GPHN: variants seen among roughly 807,000 people sequenced by gnomAD.
GPHN encodes the protein gephyrin.
In GPHN, 17 loss-of-function variants were observed where a neutral mutation model predicts 95.5. The ratio of observed to expected loss-of-function variants is 0.18; its 90% CI spans 0.12 to 0.27. The LOEUF (loss-of-function observed/expected upper bound fraction) is 0.27, where lower values mean the gene tolerates loss of function less well. GPHN is among the 10% of genes least tolerant of loss of function. The pLI, the probability that GPHN is intolerant of heterozygous loss-of-function variation, is 1.00. For missense variants in GPHN, 660 were observed against 978.1 expected, an observed-to-expected ratio of 0.67 and a Z score of 4.34; for synonymous variants, 320 against 322.5, an observed-to-expected ratio of 0.99 and a Z score of 0.08.
intron 2 of GPHN, among the ~76,000 whole-genome samples, chr14:66,706,570 C>T (rs2069097966): frequency 6.6e-6 from 1 of 152,114 alleles, no homozygotes; most frequent in Admixed American, 6.6e-5. Context: ...GGAAAGGACT[C>T]CCTATTTAAT....
chr14:66,877,531 G>A lies in GPHN; in HGVS notation c.295-2408G>A, dbSNP rs566296697. Among the ~76,000 whole-genome samples the A allele has an allele frequency of 2.0e-5, 3 of 152,300 alleles. No individual in the cohort carries two copies. In the South Asian group the frequency reaches 6.2e-4, roughly 32 times the overall value. ...CTCCTTAAGCTGGTAAGAAACTTCAGCAAAGTCTCAGGATACAAAATCAAT... is the reference window on the plus strand; with the variant it reads ...CTCCTTAAGCTGGTAAGAAACTTCAACAAAGTCTCAGGATACAAAATCAAT... On this transcript the variant is annotated intron_variant, in intron 4 of 22. Coordinates refer to ENST00000478722, the MANE Select transcript of GPHN (RefSeq NM_020806.5).
At chr14:66,645,540 A>G (rs2064688906) in intron 1 of GPHN, among the ~76,000 whole-genome samples, 1 of 151,786 alleles carries the variant, frequency 6.6e-6, no homozygotes, top group African/African-American at 2.4e-5. Context: ...AAAATACAAA[A>G]AGTTAGCCAG....
intron 18 of GPHN, among the ~76,000 whole-genome samples, chr14:67,152,688 G>A (rs949754806): frequency 3.3e-5 from 5 of 152,064 alleles, no homozygotes; most frequent in African/African-American, 1.2e-4. Context: ...GTTCACTGGC[G>A]GGGCGCGGTG....
the GPHN span, chr14:67,577,287 C>T: frequency 6.5e-7 from 1 of 1,534,850 alleles, no homozygotes; most frequent in Non-Finnish European, 8.8e-7. Context: ...CTCTCTGGTT[C>T]CGTGCTTTGG....
At chr14:67,193,231 T>C in the GPHN span, among the ~76,000 whole-genome samples, 1 of 139,736 alleles carries the variant, frequency 7.2e-6, no homozygotes, top group Non-Finnish European at 1.6e-5. Flanking sequence ...TATATATCTC[T>C]ATATAGACAT....
At chr14:66,579,965 G>A (rs1052659374) in intron 1 of GPHN, among the ~76,000 whole-genome samples, 4 of 150,708 alleles carry the variant, frequency 2.7e-5, no homozygotes, top group Non-Finnish European at 5.9e-5. Context: ...GGTATACCAC[G>A]TTAGTCTAGA....
At chr14:67,107,049 T>C (rs1461830786) in intron 13 of GPHN, among the ~76,000 whole-genome samples, 5 of 151,980 alleles carry the variant, frequency 3.3e-5, no homozygotes, top group African/African-American at 9.7e-5. Context: ...TGGTGTAGTC[T>C]CCTTGCAGCT....
chr14:67,674,965 C>A, the GPHN span: 1 of 152,508 alleles, frequency 6.6e-6, no homozygotes, highest in East Asian at 1.9e-4. Context: ...CCCGGGGTCG[C>A]GCGTTGCTCC....
the GPHN span, among the ~76,000 whole-genome samples, chr14:67,314,270 A>T: frequency 6.6e-6 from 1 of 152,236 alleles, no homozygotes. Flanking sequence ...TTGTCCAAAG[A>T]TTTTAGAATA....
At chr14:67,184,853 G>A (rs931825273), downstream of GPHN, among the ~76,000 whole-genome samples, 6 of 152,202 alleles carry the variant, frequency 3.9e-5, no homozygotes, top group African/African-American at 1.4e-4. Flanking sequence ...AAGAGGACAG[G>A]CCTTGGGGTG....
intron 4 of GPHN, among the ~76,000 whole-genome samples, chr14:66,878,660 A>G (rs374884810): frequency 6.6e-6 from 1 of 152,184 alleles, no homozygotes; most frequent in African/African-American, 2.4e-5. Flanking sequence ...AAAAACCACA[A>G]TGAGATACCA....
intron 1 of GPHN, among the ~76,000 whole-genome samples, chr14:66,576,087 T>C (rs1231736780): frequency 1.3e-5 from 2 of 152,082 alleles, no homozygotes; most frequent in African/African-American, 4.8e-5. Context: ...TGCCTGGTGC[T>C]AGGGTTATCC....
intron 1 of GPHN, among the ~76,000 whole-genome samples, chr14:66,589,538 A>G (rs78668259): frequency 6.8e-6 from 1 of 146,698 alleles, no homozygotes; most frequent in Non-Finnish European, 1.5e-5. Context: ...CAACAAAGAT[A>G]AAAAAAAAAG....
the GPHN span, among the ~76,000 whole-genome samples, chr14:67,389,709 G>C: frequency 6.6e-6 from 1 of 151,540 alleles, no homozygotes; most frequent in Non-Finnish European, 1.5e-5. Flanking sequence ...CTCATCAGGG[G>C]CACAAAGAAA....
At chr14:67,675,615 A>G in the GPHN span, among the ~76,000 whole-genome samples, 3 of 152,172 alleles carry the variant, frequency 2.0e-5, no homozygotes, top group Non-Finnish European at 4.4e-5. Flanking sequence ...CTTGTTGACA[A>G]CAGGTGTTTG....
intron 2 of GPHN, among the ~76,000 whole-genome samples, chr14:66,725,038 C>T (rs1421003599): frequency 6.6e-6 from 1 of 152,170 alleles, no homozygotes; most frequent in African/African-American, 2.4e-5. Context: ...AAGTGTGGCT[C>T]TTCTTATAGG....
At chr14:66,549,713 G>C (rs1311370190) in intron 1 of GPHN, among the ~76,000 whole-genome samples, 1 of 152,032 alleles carries the variant, frequency 6.6e-6, no homozygotes, top group African/African-American at 2.4e-5. Flanking sequence ...TTCATAGCTA[G>C]ACAGGAAAAA....
chr14:67,175,457 A>G (rs1404963428), intron 21 of GPHN, among the ~76,000 whole-genome samples: 1 of 152,184 alleles, frequency 6.6e-6, no homozygotes, highest in African/African-American at 2.4e-5. Context: ...TGGTACCAGT[A>G]TCATGCTGTT....
the GPHN span, among the ~76,000 whole-genome samples, chr14:67,422,708 A>G: frequency 6.6e-6 from 1 of 152,236 alleles, no homozygotes; most frequent in Non-Finnish European, 1.5e-5. Context: ...AAGTAACTGA[A>G]AAGTCAACCA....
Sources: gnomAD v4.1 joint callset for allele counts (sites outside exome capture counted in the v4.1 genomes callset) on GRCh38, gnomAD v4.1.1 for gene constraint, MANE v1.5 for transcripts, NCBI Gene and HGNC (gene_info 2026-07-23, HGNC 2026-07-21) for gene names.